TMEM163: variants seen among roughly 807,000 people sequenced by gnomAD.
The protein encoded by TMEM163 is transmembrane protein 163.
TMEM163 carries 17 observed loss-of-function variants against 29.3 expected under a neutral mutation model. The ratio of observed to expected loss-of-function variants is 0.58; its 90% CI spans 0.40 to 0.87. The LOEUF (loss-of-function observed/expected upper bound fraction) is 0.87, where lower values mean the gene tolerates loss of function less well. Ranked by LOEUF, TMEM163 falls within the 40% of genes least tolerant of loss-of-function variation. The pLI is 0.00. For missense variants in TMEM163, 303 were observed against 381.5 expected, an observed-to-expected ratio of 0.79 and a Z score of 1.71; for synonymous variants, 157 against 160.6, an observed-to-expected ratio of 0.98 and a Z score of 0.17.
chr2:134,545,397 C>T (rs1680757906), intron 4 of TMEM163, among the ~76,000 whole-genome samples: 2 of 152,224 alleles, frequency 1.3e-5, no homozygotes, highest in African/African-American at 4.8e-5. Context: ...GAGGAAGCTG[C>T]TTTCCCTGCC....
chr2:134,680,294 G>A (rs1399898826), intron 2 of TMEM163, among the ~76,000 whole-genome samples: 2 of 151,708 alleles, frequency 1.3e-5, no homozygotes, highest in Admixed American at 6.6e-5. Context: ...ACCCTCAAGG[G>A]ATAGATAAAA....
At chr2:134,610,412 C>T (rs1432956548) in intron 2 of TMEM163, among the ~76,000 whole-genome samples, 3 of 152,186 alleles carry the variant, frequency 2.0e-5, no homozygotes, top group African/African-American at 7.2e-5. Context: ...AGCTGCAGCG[C>T]TTCTTAAAAT....
chr2:134,482,958 G>A (rs13427783), intron 5 of TMEM163, among the ~76,000 whole-genome samples: 1 of 152,078 alleles, frequency 6.6e-6, no homozygotes, highest in Non-Finnish European at 1.5e-5. Flanking sequence ...CAACCTGCCA[G>A]GTGAGGCCCT....
At chr2:134,551,310 C>T (rs1321286600) in intron 3 of TMEM163, among the ~76,000 whole-genome samples, 1 of 151,706 alleles carries the variant, frequency 6.6e-6, no homozygotes, top group Non-Finnish European at 1.5e-5. Flanking sequence ...TGCCTTTTTC[C>T]TGGATGGTCC....
At chr2:134,480,965 C>T (rs1687038967) in intron 5 of TMEM163, among the ~76,000 whole-genome samples, 1 of 152,084 alleles carries the variant, frequency 6.6e-6, no homozygotes, top group Non-Finnish European at 1.5e-5. Context: ...AGAATATTTC[C>T]ATGACCCCCG....
intron 2 of TMEM163, among the ~76,000 whole-genome samples, chr2:134,658,790 G>A (rs1413346649): frequency 6.6e-6 from 1 of 152,056 alleles, no homozygotes. Context: ...GTAGACATGG[G>A]ATTTCACCGT....
intron 2 of TMEM163, among the ~76,000 whole-genome samples, chr2:134,592,604 C>G (rs529954549): frequency 5.3e-5 from 8 of 152,122 alleles, no homozygotes; most frequent in African/African-American, 1.9e-4. Context: ...GGCGTGTGCT[C>G]CCTTCTCATC....
intron 4 of TMEM163, among the ~76,000 whole-genome samples, chr2:134,525,561 G>T (rs12464320): frequency 0.049 from 7,414 of 152,302 alleles, 327 homozygotes; most frequent in Middle Eastern, 0.16. Context: ...TATAAGTGTT[G>T]TGTGAAGATA....
chr2:134,689,656 C>T (rs1290843196), intron 2 of TMEM163, among the ~76,000 whole-genome samples: 1 of 152,098 alleles, frequency 6.6e-6, no homozygotes, highest in East Asian at 1.9e-4. Flanking sequence ...GTGGGGGAAA[C>T]GTTCACAGTT....
chr2:134,693,644 C>T lies in TMEM163; in HGVS notation c.322+19556G>A, dbSNP rs1400679958. Among the ~76,000 whole-genome samples the T allele has an allele frequency of 3.3e-5, 5 of 150,528 alleles. No homozygotes were observed. In the East Asian group the frequency reaches 9.7e-4, roughly 29 times the overall value. ...AAAAAAAAAAAACCTGAAACTGAGC[C>T]TACAGCATGATGGAGCTTTTAAAAA... On this transcript the variant is annotated intron_variant, in intron 2 of 7. Transcript: ENST00000281924.
At chr2:134,488,382 G>A (rs1679357687) in intron 5 of TMEM163, among the ~76,000 whole-genome samples, 1 of 152,320 alleles carries the variant, frequency 6.6e-6, no homozygotes, top group South Asian at 2.1e-4. Flanking sequence ...AATGTGGAAG[G>A]AGTGAACTTG....
chr2:134,610,466 G>C (rs1044749689), intron 2 of TMEM163, among the ~76,000 whole-genome samples: 5 of 152,206 alleles, frequency 3.3e-5, no homozygotes, highest in African/African-American at 4.8e-5. Context: ...AGTGGTCTGG[G>C]GGGAGGTCTG....
At chr2:134,624,709 G>T (rs1416876089) in intron 2 of TMEM163, among the ~76,000 whole-genome samples, 1 of 152,092 alleles carries the variant, frequency 6.6e-6, no homozygotes, top group Non-Finnish European at 1.5e-5. Flanking sequence ...AGGAGTTCAA[G>T]ACCAGCCTAG....
At chr2:134,478,001 G>T (rs1490313970) in intron 5 of TMEM163, among the ~76,000 whole-genome samples, 3 of 152,192 alleles carry the variant, frequency 2.0e-5, no homozygotes, top group African/African-American at 7.2e-5. Context: ...CCATCCTCTT[G>T]ATAGTGGGAT....
At chr2:134,690,741 CT>C (rs748749650) in intron 2 of TMEM163, among the ~76,000 whole-genome samples, 3 of 152,232 alleles carry the variant, frequency 2.0e-5, no homozygotes, top group Non-Finnish European at 2.9e-5. Flanking sequence ...ATGACTTTGG[CT>C]TTCTTTACAC....
intron 4 of TMEM163, among the ~76,000 whole-genome samples, chr2:134,517,421 T>A (rs1158909899): frequency 6.6e-6 from 1 of 152,184 alleles, no homozygotes; most frequent in Non-Finnish European, 1.5e-5. Context: ...CTACCCAGTG[T>A]TATGAAGCTA....
At chr2:134,645,794 G>A in intron 2 of TMEM163, among the ~76,000 whole-genome samples, 1 of 152,108 alleles carries the variant, frequency 6.6e-6, no homozygotes, top group East Asian at 1.9e-4. Context: ...CAGATCAGTG[G>A]TTGCCAGGCT....
chr2:134,717,153 G>T (rs980959245), intron 1 of TMEM163, among the ~76,000 whole-genome samples: 2 of 152,130 alleles, frequency 1.3e-5, no homozygotes, highest in Non-Finnish European at 2.9e-5. Context: ...ATCATTTTGT[G>T]GGGTAGGGAG....
At chr2:134,482,329 G>A (rs147370445) in intron 5 of TMEM163, among the ~76,000 whole-genome samples, 14 of 152,282 alleles carry the variant, frequency 9.2e-5, no homozygotes, top group Admixed American at 6.5e-4. Context: ...CCCAGGTCAC[G>A]ATGAACTGTG....
Sources: gnomAD v4.1 joint callset for allele counts (sites outside exome capture counted in the v4.1 genomes callset) on GRCh38, gnomAD v4.1.1 for gene constraint, MANE v1.5 for transcripts, NCBI Gene and HGNC (gene_info 2026-07-23, HGNC 2026-07-21) for gene names.